TIMP2: variants seen among roughly 807,000 people sequenced by gnomAD.
TIMP2 encodes the protein TIMP metallopeptidase inhibitor 2.
TIMP2 carries 5 observed loss-of-function variants against 24.3 expected under a neutral mutation model. The observed-to-expected ratio is 0.21, with a 90% CI of 0.11 to 0.43. The LOEUF is 0.43. Ranked by LOEUF, TIMP2 falls within the 20% of genes least tolerant of loss-of-function variation. The pLI is 1.00. For missense variants in TIMP2, 221 were observed against 297.5 expected (o/e 0.74, Z 1.89); for synonymous variants, 130 against 123.2 (o/e 1.06, Z -0.37).
intron 1 of TIMP2, among the ~76,000 whole-genome samples, chr17:78,894,804 T>A (rs1460568067): frequency 6.6e-6 from 1 of 151,206 alleles, no homozygotes; most frequent in Non-Finnish European, 1.5e-5. Flanking sequence ...AAGCTGAACA[T>A]CATCAAAATT....
intron 1 of TIMP2, among the ~76,000 whole-genome samples, chr17:78,874,531 C>G (rs1223654733): frequency 6.6e-6 from 1 of 152,154 alleles, no homozygotes; most frequent in Non-Finnish European, 1.5e-5. Flanking sequence ...AAGGTCTATC[C>G]AGCTCTTCTC....
At chr17:78,919,752 G>A (rs1264129346) in intron 1 of TIMP2, among the ~76,000 whole-genome samples, 6 of 152,084 alleles carry the variant, frequency 3.9e-5, no homozygotes, top group African/African-American at 1.2e-4. Context: ...GGAGAATGGC[G>A]TGAACCCGGG....
intron 2 of TIMP2, among the ~76,000 whole-genome samples, chr17:78,872,986 G>C (rs1292495587): frequency 1.3e-5 from 2 of 151,904 alleles, no homozygotes; most frequent in Non-Finnish European, 2.9e-5. Flanking sequence ...TCGCCACCAC[G>C]CCCAGCTAAT....
rs745875138 is a variant in TIMP2 at position 78,891,327 on chromosome 17, T to C, written c.131-17408A>G. On this transcript the variant is annotated intron_variant, in intron 1 of 4. Coordinates refer to ENST00000262768, the MANE Select transcript of TIMP2 (RefSeq NM_003255.5). This position sits in a 1 kb window ranked among gnomAD's most constrained non-coding sequence, Gnocchi z 4.5. Reference sequence around the variant, plus strand: ...AGCATCTCTGGGTCTGCCATTTTCTTCCCTCTTGGGGTCCCAGCGCCACAC... The same window carrying C: ...AGCATCTCTGGGTCTGCCATTTTCTCCCCTCTTGGGGTCCCAGCGCCACAC... 2.8e-5 allele frequency: 43 copies of C among 1,550,214 alleles called. 1 individual carries two copies. In the South Asian group the frequency reaches 4.9e-4, roughly 18 times the overall value.
chr17:78,874,020 G>A, intron 1 of TIMP2, 101 bp from the exon 2 acceptor site: 2 of 1,057,544 alleles, frequency 1.9e-6, no homozygotes, highest in Non-Finnish European at 2.8e-6. Flanking sequence ...GTGCTGGGGG[G>A]TTACAGACAG....
chr17:78,889,517 A>G (rs900227365), intron 1 of TIMP2, among the ~76,000 whole-genome samples: 3 of 152,214 alleles, frequency 2.0e-5, no homozygotes, highest in Non-Finnish European at 2.9e-5. Flanking sequence ...CTTTGGTTCA[A>G]TCTCCGTTAA....
At chr17:78,909,370 A>AG (rs1190819143) in intron 1 of TIMP2, among the ~76,000 whole-genome samples, 2 of 151,610 alleles carry the variant, frequency 1.3e-5, no homozygotes, top group African/African-American at 2.4e-5. Flanking sequence ...AAAAAAAAAA[A>AG]GATAAATCAA....
intron 3 of TIMP2, among the ~76,000 whole-genome samples, chr17:78,860,127 G>T (rs2069556092): frequency 6.6e-6 from 1 of 151,992 alleles, no homozygotes; most frequent in African/African-American, 2.4e-5. Context: ...AGTGAGTCAA[G>T]ATCAAGCCAC....
intron 1 of TIMP2, among the ~76,000 whole-genome samples, chr17:78,906,592 A>T (rs1213780461): frequency 6.7e-6 from 1 of 150,174 alleles, no homozygotes; most frequent in Non-Finnish European, 1.5e-5. Flanking sequence ...TATTTTTATT[A>T]TTTTTTTTGA....
intron 3 of TIMP2, among the ~76,000 whole-genome samples, chr17:78,860,725 G>A (rs1481735909): frequency 6.6e-6 from 1 of 152,170 alleles, no homozygotes; most frequent in Non-Finnish European, 1.5e-5. Flanking sequence ...TAAGGTAAAT[G>A]TTTGGGTGGC....
At chr17:78,897,372 G>A (rs1016760995) in intron 1 of TIMP2, 5 of 152,190 alleles carry the variant, frequency 3.3e-5, no homozygotes, top group African/African-American at 1.2e-4. Context: ...CCCATCTAGA[G>A]CCTTGGGGTG....
chr17:78,899,335 G>C (rs977905766), intron 1 of TIMP2: 1 of 152,516 alleles, frequency 6.6e-6, no homozygotes, highest in Non-Finnish European at 1.5e-5. Flanking sequence ...GCAGCCCAGC[G>C]CTGTCTAACT....
chr17:78,903,611 T>C (rs1356732892), intron 1 of TIMP2, among the ~76,000 whole-genome samples: 1 of 152,128 alleles, frequency 6.6e-6, no homozygotes, highest in Non-Finnish European at 1.5e-5. Flanking sequence ...CAGAAAGCCA[T>C]CGTTAAACTG....
At chr17:78,885,886 C>T (rs145744300) in intron 1 of TIMP2, among the ~76,000 whole-genome samples, 54 of 152,294 alleles carry the variant, frequency 3.5e-4, no homozygotes, top group African/African-American at 1.3e-3. Context: ...GAGGCTGCTC[C>T]ACAGCCCTTT....
chr17:78,870,797 G>A lies in TIMP2; in HGVS notation c.340+101C>T, dbSNP rs142566978. The A allele has an allele frequency of 5.6e-5, 53 of 952,126 alleles. 1 individual carries two copies. In the East Asian group the frequency reaches 1.1e-3, roughly 21 times the overall value. The allele number at this position is 952,126 out of a possible 1,614,324, so 59.0% of individuals were successfully genotyped here. ...TGCCTCACTGTTCCTCAGCTACTCC[G>A]CCTCCCCACCCCCCGAGCCTGGGAA... On this transcript the variant is annotated intron_variant, in intron 3 of 4. Transcript: ENST00000262768.
At chr17:78,905,596 T>G (rs1005265824) in intron 1 of TIMP2, among the ~76,000 whole-genome samples, 1 of 152,236 alleles carries the variant, frequency 6.6e-6, no homozygotes, top group African/African-American at 2.4e-5. Flanking sequence ...AGGCCTTCGA[T>G]GGCCCTTGCA....
At chr17:78,922,314 TC>T (rs1391781938) in intron 1 of TIMP2, 1 of 152,228 alleles carries the variant, frequency 6.6e-6, no homozygotes, top group African/African-American at 2.4e-5. Context: ...GGGTTGTTTA[TC>T]CCAAGTTGGT....
chr17:78,870,501 TA>T (rs904069970), intron 3 of TIMP2, among the ~76,000 whole-genome samples: 2 of 151,360 alleles, frequency 1.3e-5, no homozygotes, highest in African/African-American at 4.9e-5. Flanking sequence ...TTTACCACAA[TA>T]AAAAAAGGAG....
chr17:78,870,629 C>A (rs2277700), intron 3 of TIMP2, among the ~76,000 whole-genome samples: 2 of 151,948 alleles, frequency 1.3e-5, no homozygotes, highest in Non-Finnish European at 2.9e-5. Flanking sequence ...TCCAGCATCC[C>A]GCACTCGCCT....
Sources: allele counts gnomAD v4.1 joint callset (sites outside exome capture counted in the v4.1 genomes callset), GRCh38; gene constraint gnomAD v4.1.1; non-coding constraint Gnocchi (gnomAD v3.1); transcripts MANE v1.5; gene names NCBI Gene and HGNC (gene_info 2026-07-23, HGNC 2026-07-21).